Variants in ZNF157 observed in about 807,000 individuals in gnomAD.
The protein encoded by ZNF157 is zinc finger protein 157, also known as zinc finger protein 22.
Under a neutral mutation model 9.4 loss-of-function variants are expected in ZNF157, and 8 were observed. The observed-to-expected ratio is 0.85, with a 90% CI of 0.50 to 1.53. The LOEUF is 1.53. Ranked by LOEUF, ZNF157 falls within the 40% of genes most tolerant of loss-of-function variation. ZNF157 has a pLI of 0.00. For synonymous variants in ZNF157, 120 were observed against 130.8 expected (o/e 0.92, Z 0.56); for missense variants, 316 against 385.2 (o/e 0.82, Z 1.50).
chrX:47,377,450 T>TTTAA (rs1248605583), intron 1 of ZNF157, among the ~76,000 whole-genome samples: 2 of 110,630 alleles, frequency 1.8e-5, no homozygotes, highest in East Asian at 2.8e-4. Context: ...TTGTCAGCTT[T>TTTAA]TTAATTAATT....
chrX:47,410,140 T>C (rs926621620), intron 1 of ZNF157, 136 bp from the exon 2 acceptor site: 2 of 894,196 alleles, frequency 2.2e-6, no homozygotes, highest in Non-Finnish European at 3.2e-6. Flanking sequence ...CCCAAAAGTA[T>C]ATCAAGCGAG....
chrX:47,386,258 ACAATAG>A (rs1196623372), intron 1 of ZNF157, among the ~76,000 whole-genome samples: 1 of 110,907 alleles, frequency 9.0e-6, no homozygotes, highest in Non-Finnish European at 1.9e-5. Context: ...ACCTTCCAGA[ACAATAG>A]CACAATATCA....
At chrX:47,372,145 T>A (rs2055830771) in intron 1 of ZNF157, among the ~76,000 whole-genome samples, 1 of 111,079 alleles carries the variant, frequency 9.0e-6, no homozygotes. Context: ...TCTTTTTGTA[T>A]GCTAATGAGT....
intron 1 of ZNF157, among the ~76,000 whole-genome samples, chrX:47,382,378 C>T (rs1295837301): frequency 1.0e-5 from 1 of 99,547 alleles, no homozygotes; most frequent in African/African-American, 3.8e-5. Context: ...CAACCTCTGC[C>T]TCCCGGGTTC....
At chrX:47,382,553 A>G (rs1056102781) in intron 1 of ZNF157, among the ~76,000 whole-genome samples, 35 of 105,936 alleles carry the variant, frequency 3.3e-4, no homozygotes, top group African/African-American at 1.1e-3. Flanking sequence ...TGAGGCCCAC[A>G]AGGTCTTTTC....
chrX:47,388,561 C>G (rs2055887100), intron 1 of ZNF157: 1 of 111,628 alleles, frequency 9.0e-6, no homozygotes, highest in African/African-American at 3.3e-5. Context: ...AAGCACTCCT[C>G]CTGCCTCAGC....
At chrX:47,410,488 T>A (rs1378636163) in intron 2 of ZNF157, 86 bp downstream of exon 2, 10 of 1,107,805 alleles carry the variant, frequency 9.0e-6, no homozygotes, top group African/African-American at 1.8e-5. Flanking sequence ...GAGGGTTTAA[T>A]GATATTAAGA....
At chrX:47,381,552 C>T (rs753691702) in intron 1 of ZNF157, among the ~76,000 whole-genome samples, 1 of 111,753 alleles carries the variant, frequency 8.9e-6, no homozygotes, top group Non-Finnish European at 1.9e-5. Flanking sequence ...TTTTAAATAT[C>T]AATTGTTCAT....
Position 47,395,952 on chromosome X carries a change from C to T in ZNF157, c.73-14324C>T, listed in dbSNP as rs773775885. Among the ~76,000 whole-genome samples, 14 of 110,995 alleles carry T rather than the reference C, an allele frequency of 1.3e-4. No homozygotes were observed. The East Asian group carries it at 2.8e-3, about 22-fold the overall frequency. ...CTGCACTCCAGCCTGGGTGAGAGAGCGAGACCTTGTCTCAAAAAATGAATA... is the reference window on the plus strand; with the variant it reads ...CTGCACTCCAGCCTGGGTGAGAGAGTGAGACCTTGTCTCAAAAAATGAATA... On this transcript the variant is annotated intron_variant, in intron 1 of 3. Transcript: ENST00000377073.
chrX:47,395,181 T>C (rs2055909582), intron 1 of ZNF157, among the ~76,000 whole-genome samples: 1 of 110,629 alleles, frequency 9.0e-6, no homozygotes, highest in Non-Finnish European at 1.9e-5. Flanking sequence ...CCTCTCAAAG[T>C]GTTGGGAATA....
At chrX:47,372,827 TG>T (rs2055832711) in intron 1 of ZNF157, among the ~76,000 whole-genome samples, 1 of 109,934 alleles carries the variant, frequency 9.1e-6, no homozygotes, top group Admixed American at 9.9e-5. Context: ...CCTTTATTGG[TG>T]GGAGAGGCCG....
intron 1 of ZNF157, among the ~76,000 whole-genome samples, chrX:47,384,909 G>A (rs1423047039): frequency 8.9e-6 from 1 of 112,277 alleles, no homozygotes; most frequent in Non-Finnish European, 1.9e-5. Flanking sequence ...GAAATGGTTC[G>A]TACAAGAATA....
intron 1 of ZNF157, among the ~76,000 whole-genome samples, chrX:47,378,118 G>A (rs965897768): frequency 4.5e-5 from 5 of 110,707 alleles, no homozygotes; most frequent in Non-Finnish European, 9.4e-5. Flanking sequence ...GAAAAGTTGG[G>A]GATCGGAGTT....
chrX:47,392,508 C>G (rs2055900414), intron 1 of ZNF157, among the ~76,000 whole-genome samples: 1 of 111,761 alleles, frequency 8.9e-6, no homozygotes, highest in African/African-American at 3.2e-5. Context: ...ACCCAGGTAA[C>G]ATTCACCGTG....
At chrX:47,396,178 A>G (rs769134237) in intron 1 of ZNF157, among the ~76,000 whole-genome samples, 1 of 110,563 alleles carries the variant, frequency 9.0e-6, no homozygotes, top group Non-Finnish European at 1.9e-5. Context: ...AGTCCCAGCT[A>G]CTTGGGCGAC....
chrX:47,374,787 C>T (rs1196888584), intron 1 of ZNF157, among the ~76,000 whole-genome samples: 1 of 98,264 alleles, frequency 1.0e-5, no homozygotes, highest in Non-Finnish European at 2.0e-5. Flanking sequence ...CGGCTCACTG[C>T]CACCTCTGCC....
At chrX:47,370,791 AT>A in intron 1 of ZNF157, 51 bp downstream of exon 1, 1 of 997,628 alleles carries the variant, frequency 1.0e-6, no homozygotes, top group Non-Finnish European at 1.3e-6. Flanking sequence ...TTTTTTATTT[AT>A]TTTTAGTTAA....
chrX:47,397,265 T>C (rs1255875334), intron 1 of ZNF157, among the ~76,000 whole-genome samples: 31 of 91,808 alleles, frequency 3.4e-4, no homozygotes, highest in African/African-American at 1.2e-3. Flanking sequence ...TTTTTTGAGA[T>C]GGAGTCTCAC....
chrX:47,410,160 C>T (rs1449669605), intron 1 of ZNF157, 116 bp from the exon 2 acceptor site: 1 of 1,015,023 alleles, frequency 9.9e-7, no homozygotes, highest in Non-Finnish European at 1.4e-6. Context: ...GACACAAAAT[C>T]AGGTATCCAG....
Sources: allele counts gnomAD v4.1 joint callset (sites outside exome capture counted in the v4.1 genomes callset), GRCh38; gene constraint gnomAD v4.1.1; transcripts MANE v1.5; gene names NCBI Gene and HGNC (gene_info 2026-07-23, HGNC 2026-07-21).